Variants in RARB observed in about 807,000 individuals in gnomAD.
RARB encodes HBV-activated protein.
RARB carries 17 observed loss-of-function variants against 51.9 expected under a neutral mutation model. The ratio of observed to expected loss-of-function variants is 0.33; its 90% confidence interval spans 0.22 to 0.49. RARB has a LOEUF of 0.49. Ranked by LOEUF, RARB falls within the 20% of genes least tolerant of loss-of-function variation. The probability of loss-of-function intolerance (pLI) is 0.99; values close to 1 mark genes in which losing one functional copy is unlikely to be tolerated. For synonymous variants in RARB, 215 were observed against 195.4 expected, an observed-to-expected ratio of 1.10 and a Z score of -0.84; for missense variants, 369 against 550.8, an observed-to-expected ratio of 0.67 and a Z score of 3.30.
chr3:24,978,872 T>C (rs1696577835), intron 2 of RARB, among the ~76,000 whole-genome samples: 1 of 152,214 alleles, frequency 6.6e-6, no homozygotes, highest in Non-Finnish European at 1.5e-5. Flanking sequence ...CTTTTCTGTT[T>C]TCTCTTGTAG....
At position 25,597,903 on chromosome 3, in the gene RARB, T is replaced by G. The variant is rs1058378; in HGVS notation, c.*1287T>G. On this transcript the variant is annotated 3_prime_UTR_variant, in exon 8 of 8. Transcript: ENST00000330688. ...GTTTACCTTTTTCCATGGAGTCTCC[T>G]GGCAAAGAATAAAATATATTTATTT... 31,837 of 153,250 alleles carry G rather than the reference T, an allele frequency of 0.21. 5,297 individuals carry two copies. The highest frequency in any genetic ancestry group is 0.47 in the African/African-American group (19,409 of 41,428). 9.5% of individuals were successfully genotyped at this position (153,250 alleles called of 1,614,324 possible). A position where few individuals can be genotyped will look rare whatever the true frequency, so the allele number is the denominator to read the frequency against.
chr3:25,084,799 A>T (rs1699075634), intron 3 of RARB, among the ~76,000 whole-genome samples: 1 of 150,874 alleles, frequency 6.6e-6, no homozygotes, highest in Non-Finnish European at 1.5e-5. Flanking sequence ...TAATATGTAT[A>T]TTTATTTTAA....
At chr3:25,239,699 C>T (rs1013292506) in intron 5 of RARB, among the ~76,000 whole-genome samples, 20 of 152,200 alleles carry the variant, frequency 1.3e-4, no homozygotes, top group African/African-American at 4.1e-4. Flanking sequence ...TTTTGGTTAG[C>T]AGAGACTTGA....
At chr3:25,275,876 A>G (rs1377809937) in intron 5 of RARB, among the ~76,000 whole-genome samples, 1 of 152,258 alleles carries the variant, frequency 6.6e-6, no homozygotes, top group Non-Finnish European at 1.5e-5. Context: ...ATACATATGT[A>G]ACAAAGGTGC....
chr3:25,144,797 G>A (rs1335454649), intron 4 of RARB, among the ~76,000 whole-genome samples: 6 of 152,286 alleles, frequency 3.9e-5, no homozygotes, highest in Middle Eastern at 3.4e-3. Context: ...TGATCAGCCC[G>A]TATACCTCGA....
Position 25,580,570 on chromosome 3 carries a change from C to T in RARB, c.634C>T (p.Arg212Ter). 6.3e-7 allele frequency: 1 copy of T among 1,599,860 alleles called. No individual in the cohort carries two copies. The highest frequency in any genetic ancestry group is 8.6e-7 in the Non-Finnish European group (1 of 1,168,890). The change falls in exon 5 of 8, where the codon CGA (arginine) becomes TGA (stop). Residue 212 changes from arginine (R) to a stop codon, truncating the protein, a stop_gained. Coordinates refer to ENST00000330688, the MANE Select transcript of RARB (RefSeq NM_000965.5). LOFTEE classifies it high-confidence loss of function. The stretch of plus-strand genomic sequence containing the variant: ...GAATTCCAGTGCTGACCATCGAGTC[C>T]GACTGGACCTGGGCCTCTGGGACAA... ...TTNSSADHRVRLDLGLWDKFS... is the reference protein window; with the variant it reads ...TTNSSADHRV
intron 5 of RARB, among the ~76,000 whole-genome samples, chr3:25,308,236 T>G (rs1293647750): frequency 2.0e-5 from 3 of 152,210 alleles, no homozygotes; most frequent in Non-Finnish European, 4.4e-5. Context: ...GGGAACTTTT[T>G]AAGTCTCCAA....
At chr3:25,162,870 C>G (rs1009552322) in intron 4 of RARB, among the ~76,000 whole-genome samples, 4 of 152,170 alleles carry the variant, frequency 2.6e-5, no homozygotes, top group African/African-American at 9.7e-5. Context: ...GTGAATAATG[C>G]TGCTATAAAC....
chr3:25,340,951 C>A (rs1269436270), intron 5 of RARB, among the ~76,000 whole-genome samples: 1 of 152,166 alleles, frequency 6.6e-6, no homozygotes, highest in Admixed American at 6.6e-5. Flanking sequence ...TCAGGATTAT[C>A]AATCAAATCT....
intron 2 of RARB, among the ~76,000 whole-genome samples, chr3:25,043,292 T>G (rs553171602): frequency 3.9e-5 from 6 of 152,330 alleles, no homozygotes; most frequent in African/African-American, 1.2e-4. Flanking sequence ...ACATAAAATG[T>G]GTATCTGGCC....
intron 5 of RARB, among the ~76,000 whole-genome samples, chr3:25,387,542 C>A (rs1014711542): frequency 6.6e-6 from 1 of 152,164 alleles, no homozygotes; most frequent in African/African-American, 2.4e-5. Context: ...TTTGTAGTAT[C>A]TTCCACAACT....
intron 4 of RARB, among the ~76,000 whole-genome samples, chr3:25,155,535 G>A (rs995129832): frequency 1.1e-4 from 16 of 152,306 alleles, no homozygotes; most frequent in African/African-American, 3.8e-4. Flanking sequence ...TGCTCCAGTG[G>A]CAATATTACT....
chr3:24,926,069 C>T (rs537239010), intron 2 of RARB, among the ~76,000 whole-genome samples: 9 of 152,094 alleles, frequency 5.9e-5, no homozygotes, highest in Non-Finnish European at 1.3e-4. Flanking sequence ...AAGCCTTTGA[C>T]ATTTATAGAA....
At chr3:25,182,712 A>T (rs777842096) in intron 5 of RARB, among the ~76,000 whole-genome samples, 3 of 152,196 alleles carry the variant, frequency 2.0e-5, no homozygotes, top group Non-Finnish European at 4.4e-5. Context: ...AGTATTTACC[A>T]GAAAAATTGT....
At chr3:25,408,285 T>G (rs553792771) in intron 5 of RARB, among the ~76,000 whole-genome samples, 2 of 152,138 alleles carry the variant, frequency 1.3e-5, no homozygotes, top group Non-Finnish European at 2.9e-5. Flanking sequence ...AAAAGAGGTT[T>G]AGTTGACTCA....
intron 2 of RARB, among the ~76,000 whole-genome samples, chr3:24,872,497 C>T (rs967030988): frequency 5.9e-5 from 9 of 152,132 alleles, no homozygotes; most frequent in Non-Finnish European, 7.4e-5. Context: ...GCAAGAAGCA[C>T]GGTGCCAATA....
chr3:25,312,725 A>G (rs1215832102), intron 5 of RARB, among the ~76,000 whole-genome samples: 2 of 152,204 alleles, frequency 1.3e-5, no homozygotes, highest in Non-Finnish European at 2.9e-5. Context: ...CACAATAAAA[A>G]TCTAGATTTC....
chr3:25,387,350 A>G (rs1237303247), intron 5 of RARB, among the ~76,000 whole-genome samples: 1 of 152,090 alleles, frequency 6.6e-6, no homozygotes, highest in Non-Finnish European at 1.5e-5. Flanking sequence ...GTGTAGAGGA[A>G]CAAAGGTGAA....
intron 5 of RARB, among the ~76,000 whole-genome samples, chr3:25,358,817 C>T (rs529852200): frequency 1.1e-4 from 16 of 152,180 alleles, no homozygotes; most frequent in African/African-American, 3.4e-4. Flanking sequence ...CCTTGCATCC[C>T]GGGGATGAAG....
Sources: allele counts gnomAD v4.1 joint callset (sites outside exome capture counted in the v4.1 genomes callset), GRCh38; gene constraint gnomAD v4.1.1; transcripts MANE v1.5; gene names NCBI Gene and HGNC (gene_info 2026-07-23, HGNC 2026-07-21).